Variants in ATP2C2 observed in about 807,000 individuals in gnomAD.
ATP2C2 encodes calcium-transporting ATPase type 2C member 2.
In ATP2C2, 171 loss-of-function variants were observed where a neutral mutation model predicts 110.8. The observed-to-expected ratio is 1.54, with a 90% confidence interval of 1.36 to 1.75. The LOEUF (loss-of-function observed/expected upper bound fraction) is 1.75. Ranked by LOEUF, ATP2C2 falls within the 40% of genes most tolerant of loss-of-function variation. The pLI, the probability that ATP2C2 is intolerant of heterozygous loss-of-function variation, is 0.00. For missense variants in ATP2C2, 1,963 were observed against 1,235.0 expected, an observed-to-expected ratio of 1.59 and a Z score of -8.84; for synonymous variants, 804 against 508.4, an observed-to-expected ratio of 1.58 and a Z score of -7.82.
intron 1 of ATP2C2, among the ~76,000 whole-genome samples, chr16:84,378,749 C>A (rs1368043426): frequency 4.6e-5 from 7 of 152,192 alleles, no homozygotes; most frequent in African/African-American, 1.7e-4. Context: ...ACGGCCCCCT[C>A]CTTGAAAAAT....
At chr16:84,415,649 A>T in intron 7 of ATP2C2, 58 bp downstream of exon 7, 1 of 1,400,130 alleles carries the variant, frequency 7.1e-7, no homozygotes, top group Admixed American at 2.0e-5. Context: ...CAAGGAGCAG[A>T]CACTTAGCTA....
At position 84,408,308 on chromosome 16, in the gene ATP2C2, A is replaced by T. The variant is rs1905957280; in HGVS notation, c.328-97A>T. On this transcript the variant is annotated intron_variant, in intron 3 of 26. Transcript: ENST00000262429. Reference sequence around the variant, plus strand: ...GTGTTGACCTGGAAGCCTGGCCCTGAACTGAGACCCCTGTCACACAAACTT... The same window carrying T: ...GTGTTGACCTGGAAGCCTGGCCCTGTACTGAGACCCCTGTCACACAAACTT... 5.9e-6 allele frequency: 7 copies of T among 1,194,750 alleles called. No homozygotes were observed. The South Asian group carries it at 8.8e-5, about 15-fold the overall frequency. The allele number at this position is 1,194,750 out of a possible 1,614,324, so 74.0% of individuals were successfully genotyped here.
rs1904586877 is a variant in ATP2C2 at position 84,390,482 on chromosome 16, T to C, written c.100-8017T>C. Among the ~76,000 whole-genome samples the C allele has an allele frequency of 2.6e-5, 4 of 152,334 alleles. No individual in the cohort carries two copies. In the South Asian group the frequency reaches 8.3e-4, roughly 32 times the overall value. On this transcript the variant is annotated intron_variant, in intron 1 of 26. Coordinates refer to ENST00000262429, the MANE Select transcript of ATP2C2 (RefSeq NM_014861.4). ...GGGGCTAGGGAGGCTGCGCTCACCG[T>C]CGCCCGCGTGGGTCTATCTGCAGCA... is the stretch of plus-strand genomic sequence containing the variant.
At chr16:84,461,593 A>G in intron 24 of ATP2C2, 121 bp from the exon 25 acceptor site, 1 of 862,722 alleles carries the variant, frequency 1.2e-6, no homozygotes, top group Non-Finnish European at 2.0e-6. Flanking sequence ...TGACCGATTC[A>G]TGAGCTTGTA....
In ATP2C2 at chr16:84,423,207, A is replaced by G. The variant is rs774803166; in HGVS notation, c.863A>G (p.Gln288Arg). ...QAEETPKTPL[Q>R]KSMDRLGKQL... ...TTTCAGACACCTAAAACTCCTTTGC[A>G]GAAAAGCATGGACAGGCTAGGAAAG... The change falls in exon 10 of 27, where the codon CAG becomes CGG. Residue 288 changes from glutamine to arginine, a missense_variant. Physicochemically the swap from Gln to Arg is conservative, Grantham distance 43 (BLOSUM62 1). Coordinates refer to ENST00000262429, the MANE Select transcript of ATP2C2 (RefSeq NM_014861.4). 1 of 1,614,176 alleles carries G rather than the reference A, an allele frequency of 6.2e-7. No individual in the cohort carries two copies. Among genetic ancestry groups the G allele is most frequent in the South Asian group, 1.1e-5 (1 of 91,082 alleles).
At chr16:84,382,871 G>A (rs936421223) in intron 1 of ATP2C2, among the ~76,000 whole-genome samples, 1 of 149,978 alleles carries the variant, frequency 6.7e-6, no homozygotes, top group African/African-American at 2.5e-5. Context: ...ATTCCAGCGT[G>A]GGCGACAGAG....
At chr16:84,459,914 C>T (rs951193143) in intron 23 of ATP2C2, 39 of 280,856 alleles carry the variant, frequency 1.4e-4, no homozygotes, top group Admixed American at 3.1e-4. Flanking sequence ...CCACCCGCTC[C>T]GCCACTTAAT....
intron 20 of ATP2C2, 145 bp from the exon 21 acceptor site, chr16:84,454,673 C>A (rs1263386043): frequency 6.0e-6 from 5 of 834,026 alleles, no homozygotes; most frequent in Non-Finnish European, 8.8e-6. Flanking sequence ...CGCCCAATTC[C>A]CACAGCTAAT....
At chr16:84,460,499 C>CCCA in intron 23 of ATP2C2, 155 bp from the exon 24 acceptor site, 1 of 1,006,040 alleles carries the variant, frequency 9.9e-7, no homozygotes, top group Non-Finnish European at 1.5e-6. Flanking sequence ...TGGAAGGTGC[C>CCCA]GAGGAGGGCA....
chr16:84,395,015 C>T (rs1313260435), intron 1 of ATP2C2, among the ~76,000 whole-genome samples: 1 of 152,116 alleles, frequency 6.6e-6, no homozygotes. Context: ...TGATGCTCCA[C>T]TGTCTGGATG....
chr16:84,376,269 G>A (rs1910244476), intron 1 of ATP2C2, among the ~76,000 whole-genome samples: 1 of 152,240 alleles, frequency 6.6e-6, no homozygotes, highest in South Asian at 2.1e-4. Context: ...GAGGCGATGA[G>A]GTTGCCATGA....
chr16:84,436,658 C>T (rs1315166214), intron 11 of ATP2C2, among the ~76,000 whole-genome samples: 1 of 152,174 alleles, frequency 6.6e-6, no homozygotes. Context: ...ACATCTTCCC[C>T]CCTCCTCAGC....
intron 1 of ATP2C2, among the ~76,000 whole-genome samples, chr16:84,389,374 G>A (rs1304293996): frequency 2.0e-5 from 3 of 152,224 alleles, no homozygotes; most frequent in Admixed American, 2.0e-4. Flanking sequence ...CCAGGAGGGC[G>A]TGACCACCAC....
intron 1 of ATP2C2, among the ~76,000 whole-genome samples, chr16:84,375,447 A>C (rs1310576339): frequency 6.6e-6 from 1 of 152,100 alleles, no homozygotes. Context: ...AGGCTGAGGC[A>C]GAAGAATCAC....
intron 11 of ATP2C2, among the ~76,000 whole-genome samples, chr16:84,428,595 G>A (rs2077249092): frequency 6.6e-6 from 1 of 152,130 alleles, no homozygotes; most frequent in Non-Finnish European, 1.5e-5. Flanking sequence ...GATGATGTGG[G>A]CACACAGATG....
intron 20 of ATP2C2, 56 bp downstream of exon 20, chr16:84,453,427 G>A (rs1910501286): frequency 5.0e-6 from 8 of 1,601,948 alleles, no homozygotes; most frequent in Admixed American, 1.7e-5. Context: ...CAGAGACACT[G>A]TGGCTCGAGG....
intron 6 of ATP2C2, among the ~76,000 whole-genome samples, chr16:84,413,847 C>T (rs74035992): frequency 0.031 from 4,747 of 152,178 alleles, 257 homozygotes; most frequent in African/African-American, 0.11. Flanking sequence ...TTATTGAGCA[C>T]CTACTGTATG....
chr16:84,414,844 C>G (rs565569995), intron 6 of ATP2C2, among the ~76,000 whole-genome samples: 37 of 152,120 alleles, frequency 2.4e-4, no homozygotes, highest in South Asian at 2.1e-4. Flanking sequence ...CATGGGAAAG[C>G]CATCGGAGGG....
intron 1 of ATP2C2, among the ~76,000 whole-genome samples, chr16:84,393,639 G>A (rs1019632636): frequency 2.6e-5 from 4 of 151,814 alleles, no homozygotes; most frequent in Non-Finnish European, 4.4e-5. Context: ...CAGAAAAGAG[G>A]TTATGTTTAA....
Sources: gnomAD v4.1 joint callset for allele counts (sites outside exome capture counted in the v4.1 genomes callset) on GRCh38, gnomAD v4.1.1 for gene constraint, MANE v1.5 for transcripts, NCBI Gene and HGNC (gene_info 2026-07-23, HGNC 2026-07-21) for gene names.